The following GRIK2 variants were observed in gnomAD, a reference collection of about 807,000 sequenced individuals.
GRIK2 encodes the protein glutamate ionotropic receptor kainate type subunit 2.
In GRIK2, 32 loss-of-function variants were observed where a neutral mutation model predicts 100.3. The observed-to-expected ratio is 0.32, with a 90% confidence interval of 0.24 to 0.43. The LOEUF is 0.43. Ranked by LOEUF, GRIK2 falls within the 20% of genes least tolerant of loss-of-function variation. GRIK2 has a pLI of 1.00. For missense variants in GRIK2, 843 were observed against 1,114.9 expected (o/e 0.76, Z 3.47); for synonymous variants, 417 against 389.4 (o/e 1.07, Z -0.83).
Position 101,889,796 on chromosome 6 carries a change from C to T in GRIK2, c.1681C>T (p.Pro561Ser). The T allele has an allele frequency of 1.2e-6, 2 of 1,613,544 alleles. No homozygotes were observed. The highest frequency in any genetic ancestry group is 1.7e-6 in the Non-Finnish European group (2 of 1,179,670). Residue 561 changes from proline to serine, a missense_variant, in exon 12 of 17, where the codon CCT (proline) becomes TCT (serine). Physicochemically the swap from Pro to Ser is moderately conservative, Grantham distance 74. This residue lies in a region of GRIK2 where 237 missense variants were observed against 388.0 expected (regional missense o/e 0.61). Transcript: ENST00000369134. ...GVFSFLNPLS[P>S]DIWMYILLAY... Reference sequence around the variant, plus strand: ...CTTCTCCTTCCTGAATCCTCTCTCCCCTGATATCTGGATGTATATTCTGCT... The same window carrying T: ...CTTCTCCTTCCTGAATCCTCTCTCCTCTGATATCTGGATGTATATTCTGCT...
intron 11 of GRIK2, among the ~76,000 whole-genome samples, chr6:101,886,894 C>T (rs1026894890): frequency 2.2e-5 from 3 of 138,786 alleles, no homozygotes; most frequent in Non-Finnish European, 3.0e-5. Context: ...GTTGCGATCT[C>T]GGCTCACTGC....
chr6:101,766,645 G>A (rs1778060995), intron 7 of GRIK2, among the ~76,000 whole-genome samples: 1 of 152,128 alleles, frequency 6.6e-6, no homozygotes, highest in Admixed American at 6.6e-5. Context: ...TTCTGGGAGT[G>A]TTGTCCTCTG....
chr6:101,439,724 GA>G (rs1026550859), intron 2 of GRIK2, among the ~76,000 whole-genome samples: 1 of 151,934 alleles, frequency 6.6e-6, no homozygotes, highest in Non-Finnish European at 1.5e-5. Flanking sequence ...ACAAAAACAA[GA>G]AAATATCTAT....
intron 2 of GRIK2, among the ~76,000 whole-genome samples, chr6:101,503,952 G>A (rs1738812517): frequency 6.6e-6 from 1 of 152,114 alleles, no homozygotes; most frequent in Non-Finnish European, 1.5e-5. Context: ...TCAAACTATG[G>A]AGAAAGTGAC....
At chr6:101,623,627 C>T (rs2128317502) in intron 3 of GRIK2, among the ~76,000 whole-genome samples, 1 of 152,186 alleles carries the variant, frequency 6.6e-6, no homozygotes, top group South Asian at 2.1e-4. Flanking sequence ...CGGATGTTCT[C>T]ACAACAGAGT....
At chr6:101,715,616 A>G (rs1311139394) in intron 7 of GRIK2, among the ~76,000 whole-genome samples, 9 of 151,732 alleles carry the variant, frequency 5.9e-5, no homozygotes, top group Admixed American at 5.9e-4. Context: ...AACGGCCCAT[A>G]AATGTTCTAG....
chr6:101,886,584 A>G (rs961335411), intron 11 of GRIK2, among the ~76,000 whole-genome samples: 4 of 151,800 alleles, frequency 2.6e-5, no homozygotes, highest in Non-Finnish European at 5.9e-5. Flanking sequence ...TTCTTTTAAT[A>G]TGTGTTATTT....
intron 2 of GRIK2, among the ~76,000 whole-genome samples, chr6:101,524,959 C>T (rs1031000190): frequency 6.6e-6 from 1 of 152,064 alleles, no homozygotes; most frequent in African/African-American, 2.4e-5. Context: ...TCTCGAACTC[C>T]TGACTTCAGG....
intron 4 of GRIK2, among the ~76,000 whole-genome samples, chr6:101,668,608 G>T (rs547278488): frequency 6.6e-6 from 1 of 152,044 alleles, no homozygotes; most frequent in Non-Finnish European, 1.5e-5. Flanking sequence ...GAATATAGAT[G>T]AATCATTTTT....
At chr6:101,432,951 A>G (rs577908277) in intron 2 of GRIK2, among the ~76,000 whole-genome samples, 36 of 152,072 alleles carry the variant, frequency 2.4e-4, no homozygotes, top group Non-Finnish European at 3.8e-4. Context: ...CTGTAATTTC[A>G]AGGAGGAGGA....
chr6:101,816,689 CA>C (rs1781650112), intron 9 of GRIK2, among the ~76,000 whole-genome samples: 1 of 151,876 alleles, frequency 6.6e-6, no homozygotes, highest in Non-Finnish European at 1.5e-5. Flanking sequence ...GACTCCATCT[CA>C]AAAATAGATA....
At chr6:101,503,176 T>C (rs1773853666) in intron 2 of GRIK2, among the ~76,000 whole-genome samples, 1 of 152,144 alleles carries the variant, frequency 6.6e-6, no homozygotes, top group Non-Finnish European at 1.5e-5. Flanking sequence ...CCTTAAGTGT[T>C]TTTTTTGTTT....
intron 10 of GRIK2, among the ~76,000 whole-genome samples, chr6:101,829,568 A>T (rs542676259): frequency 8.1e-5 from 12 of 148,138 alleles, no homozygotes; most frequent in Admixed American, 6.8e-4. Context: ...AAATTAACAT[A>T]CACAAATCAG....
Position 101,889,859 on chromosome 6 carries a change from G to A in GRIK2, c.1744G>A (p.Ala582Thr). The change falls in exon 12 of 17, where the codon GCC (alanine) becomes ACC (threonine). Residue 582 changes from alanine (A) to threonine (T), a missense_variant. By Grantham distance (58) the Ala-to-Thr change is moderately conservative. Around this residue, in one of 3 missense-constraint regions of GRIK2, gnomAD observed 237 missense variants for 388.0 expected, o/e 0.61. Coordinates refer to ENST00000369134, the MANE Select transcript of GRIK2 (RefSeq NM_021956.5). ...TGTCAGTTGTGTGCTCTTTGTCATA[G>A]CCAGGTAACATGCTCACTTTTGTGA... ...LGVSCVLFVI[A>T]RFSPYEWYNP... is the part of the protein sequence containing the mutation. 1 of 1,594,900 alleles carries A rather than the reference G, an allele frequency of 6.3e-7. No homozygotes were observed. Among genetic ancestry groups the A allele is most frequent in the Non-Finnish European group, 8.6e-7 (1 of 1,162,810 alleles).
At chr6:102,063,765 A>AAAG (rs1771869362) in intron 16 of GRIK2, among the ~76,000 whole-genome samples, 1 of 150,460 alleles carries the variant, frequency 6.6e-6, no homozygotes, top group African/African-American at 2.4e-5. Context: ...CTTTAAAAAA[A>AAAG]AAAAGCTCTA....
At chr6:101,773,478 C>CAAAAA (rs10635667) in intron 7 of GRIK2, among the ~76,000 whole-genome samples, 1,969 of 88,830 alleles carry the variant, frequency 0.022, 20 homozygotes, top group Non-Finnish European at 0.039. Context: ...GACTTTGTCT[C>CAAAAA]AAAAAAAAAA....
chr6:101,970,948 G>A (rs992128623), intron 14 of GRIK2, among the ~76,000 whole-genome samples: 1 of 150,702 alleles, frequency 6.6e-6, no homozygotes, highest in Admixed American at 6.6e-5. Flanking sequence ...TTTTTATAAG[G>A]GCAAATATGA....
chr6:101,806,617 C>T (rs928175770), intron 9 of GRIK2, among the ~76,000 whole-genome samples: 1 of 147,982 alleles, frequency 6.8e-6, no homozygotes, highest in South Asian at 2.2e-4. Context: ...TCTGCCCTAC[C>T]TACAGAGGGT....
chr6:101,621,491 A>G (rs911719698), intron 2 of GRIK2, among the ~76,000 whole-genome samples: 6 of 152,084 alleles, frequency 3.9e-5, no homozygotes, highest in East Asian at 1.9e-4. Context: ...TGATTTCTGA[A>G]TGGAGACGGA....
Sources: allele counts gnomAD v4.1 joint callset (sites outside exome capture counted in the v4.1 genomes callset), GRCh38; gene constraint gnomAD v4.1.1; regional missense constraint gnomAD v4.1.1; transcripts MANE v1.5; gene names NCBI Gene and HGNC (gene_info 2026-07-23, HGNC 2026-07-21).